Variants in SPON1 observed in about 807,000 individuals in gnomAD.
SPON1 encodes spondin 1, also known as spondin-1.
In SPON1, 52 loss-of-function variants were observed where a neutral mutation model predicts 111.7. The observed-to-expected ratio is 0.47, with a 90% CI of 0.37 to 0.59. The LOEUF (loss-of-function observed/expected upper bound fraction) is 0.59, where lower values mean the gene tolerates loss of function less well. Among genes scored for constraint, SPON1 ranks in the 20% least tolerant of loss-of-function variants. The pLI is 0.00. For missense variants in SPON1, 957 were observed against 1,068.5 expected (o/e 0.90, Z 1.46); for synonymous variants, 410 against 395.8 (o/e 1.04, Z -0.43).
intron 6 of SPON1, among the ~76,000 whole-genome samples, chr11:14,213,310 A>G (rs1268221397): frequency 6.6e-6 from 1 of 152,148 alleles, no homozygotes; most frequent in Non-Finnish European, 1.5e-5. Context: ...TTTTCATCAG[A>G]GGGCTTTCAT....
At chr11:13,975,998 T>G (rs528515734) in intron 1 of SPON1, among the ~76,000 whole-genome samples, 1 of 152,318 alleles carries the variant, frequency 6.6e-6, no homozygotes, top group South Asian at 2.1e-4. Context: ...CCCTTAAAAT[T>G]CTTGAACAGT....
In SPON1 at chr11:14,180,014, A is replaced by G. The variant is rs7935015; in HGVS notation, c.825+44446A>G. On this transcript the variant is annotated intron_variant, in intron 6 of 15. Transcript: ENST00000576479. ...CATCCCTCACCTGAATTAATGCAGA[A>G]GACTCTTTACAGATCCCCACACCTC... Among the ~76,000 whole-genome samples, 6 of 152,194 alleles carry G rather than the reference A, an allele frequency of 3.9e-5. No individual in the cohort carries two copies. The East Asian group carries it at 1.2e-3, about 29-fold the overall frequency.
intron 5 of SPON1, among the ~76,000 whole-genome samples, chr11:14,117,958 G>T (rs1849278416): frequency 6.6e-6 from 1 of 152,142 alleles, no homozygotes; most frequent in Non-Finnish European, 1.5e-5. Context: ...ACAGGCAGGT[G>T]CTCAGTAATT....
At chr11:14,074,078 G>A (rs1848898097) in intron 3 of SPON1, among the ~76,000 whole-genome samples, 1 of 152,128 alleles carries the variant, frequency 6.6e-6, no homozygotes, top group Non-Finnish European at 1.5e-5. Context: ...TTGTTATTTG[G>A]CTTTGGGGTG....
chr11:14,150,939 G>A (rs1847780396), intron 6 of SPON1, among the ~76,000 whole-genome samples: 2 of 152,126 alleles, frequency 1.3e-5, no homozygotes, highest in South Asian at 4.2e-4. Context: ...GACCCCATCA[G>A]GACCAGGATA....
intron 2 of SPON1, among the ~76,000 whole-genome samples, chr11:14,034,880 C>A (rs1044141648): frequency 2.0e-5 from 3 of 152,112 alleles, no homozygotes; most frequent in African/African-American, 7.2e-5. Flanking sequence ...GTGTAGTCAC[C>A]CAGAACCTTC....
intron 2 of SPON1, among the ~76,000 whole-genome samples, chr11:14,017,380 T>C (rs756300022): frequency 6.6e-6 from 1 of 152,262 alleles, no homozygotes; most frequent in Non-Finnish European, 1.5e-5. Context: ...TTTCAGACTA[T>C]GCTTTAAAGA....
At chr11:14,200,643 G>A (rs1424329508) in intron 6 of SPON1, among the ~76,000 whole-genome samples, 4 of 151,556 alleles carry the variant, frequency 2.6e-5, no homozygotes, top group Non-Finnish European at 5.9e-5. Context: ...GGGAAACCCC[G>A]TCTCTGCTAA....
chr11:14,075,959 A>G (rs1032805244), intron 4 of SPON1, among the ~76,000 whole-genome samples: 14 of 152,184 alleles, frequency 9.2e-5, no homozygotes, highest in Admixed American at 6.5e-4. Context: ...AAGGTATTGT[A>G]ACAAAGCTCA....
chr11:14,259,316 G>A lies in SPON1; in HGVS notation c.1529G>A (p.Trp510Ter), dbSNP rs782764780. 1 of 1,613,040 alleles carries A rather than the reference G, an allele frequency of 6.2e-7. No individual in the cohort carries two copies. Among genetic ancestry groups the A allele is most frequent in the Non-Finnish European group, 8.5e-7 (1 of 1,179,632 alleles). The part of the protein sequence containing the change: ...STCTMSEWIT[W>*]SPCSISCGMG... ...TGCACCATGTCCGAGTGGATCACCT[G>A]GTCGCCCTGCAGCATCTCCTGCGGC... is the stretch of plus-strand genomic sequence containing the variant. The change falls in exon 12 of 16, where the codon TGG (tryptophan) becomes TAG (stop). Residue 510 changes from tryptophan to a stop codon, truncating the protein, a stop_gained. Transcript: ENST00000576479. LOFTEE classifies it high-confidence loss of function. The surrounding 1 kb of genome is among the most constrained non-coding windows in gnomAD (Gnocchi z 5.0).
At chr11:14,122,801 T>C (rs1847407570) in intron 5 of SPON1, among the ~76,000 whole-genome samples, 1 of 152,188 alleles carries the variant, frequency 6.6e-6, no homozygotes, top group Non-Finnish European at 1.5e-5. Context: ...TCCTTGAACA[T>C]ATTGATAATA....
intron 5 of SPON1, 123 bp downstream of exon 5, chr11:14,080,144 G>A (rs1848950292): frequency 2.7e-6 from 3 of 1,114,530 alleles, no homozygotes; most frequent in Non-Finnish European, 3.9e-6. Flanking sequence ...TTCATGAAAT[G>A]CACAATCCAA....
chr11:14,138,438 GA>G (rs1199197135), intron 6 of SPON1, among the ~76,000 whole-genome samples: 2 of 152,088 alleles, frequency 1.3e-5, no homozygotes, highest in African/African-American at 2.4e-5. Flanking sequence ...GAAAATTAAT[GA>G]AAAATTACAG....
At chr11:14,191,295 C>T (rs1554934539) in intron 6 of SPON1, among the ~76,000 whole-genome samples, 1 of 152,162 alleles carries the variant, frequency 6.6e-6, no homozygotes, top group African/African-American at 2.4e-5. Flanking sequence ...AGGAAGCACT[C>T]GTAGGTTATG....
At chr11:14,237,730 G>A (rs1461915237) in intron 6 of SPON1, among the ~76,000 whole-genome samples, 1 of 152,244 alleles carries the variant, frequency 6.6e-6, no homozygotes, top group Non-Finnish European at 1.5e-5. Flanking sequence ...CAAGGAGCCT[G>A]TGCCTTCCCG....
intron 1 of SPON1, among the ~76,000 whole-genome samples, chr11:13,969,215 C>CAAAA (rs3047401): frequency 1.4e-4 from 15 of 106,934 alleles, no homozygotes; most frequent in East Asian, 3.1e-4. Flanking sequence ...CCCATCTCTA[C>CAAAA]AAAAAAAAAA....
intron 5 of SPON1, among the ~76,000 whole-genome samples, chr11:14,099,837 G>T (rs1166377007): frequency 6.6e-6 from 1 of 152,178 alleles, no homozygotes; most frequent in Non-Finnish European, 1.5e-5. Context: ...AGGGCTGAAG[G>T]CCAAGCGGAA....
chr11:14,016,627 A>T (rs572948568), intron 2 of SPON1, among the ~76,000 whole-genome samples: 1 of 152,212 alleles, frequency 6.6e-6, no homozygotes, highest in Non-Finnish European at 1.5e-5. Context: ...TAAAAAAAGA[A>T]ATATATACCC....
At chr11:14,226,198 G>A (rs1313445255) in intron 6 of SPON1, among the ~76,000 whole-genome samples, 1 of 152,150 alleles carries the variant, frequency 6.6e-6, no homozygotes, top group Non-Finnish European at 1.5e-5. Context: ...TAGAGAGAGA[G>A]GATTCAGATC....
Sources: allele counts gnomAD v4.1 joint callset (sites outside exome capture counted in the v4.1 genomes callset), GRCh38; gene constraint gnomAD v4.1.1; non-coding constraint Gnocchi (gnomAD v3.1); transcripts MANE v1.5; gene names NCBI Gene and HGNC (gene_info 2026-07-23, HGNC 2026-07-21).